FMR1: variants seen among roughly 807,000 people sequenced by gnomAD.
The protein encoded by FMR1 is fragile X messenger ribonucleoprotein 1.
In FMR1, 13 loss-of-function variants were observed where a neutral mutation model predicts 50.6. The observed-to-expected ratio is 0.26, with a 90% CI of 0.17 to 0.41. The LOEUF is 0.41. FMR1 is among the 10% of genes least tolerant of loss of function. FMR1 has a pLI of 1.00. For synonymous variants in FMR1, 138 were observed against 164.1 expected (o/e 0.84, Z 1.22); for missense variants, 316 against 491.3 (o/e 0.64, Z 3.37).
At chrX:147,943,956 T>C (rs2044089954) in intron 14 of FMR1, 1 of 117,528 alleles carries the variant, frequency 8.5e-6, no homozygotes, top group Non-Finnish European at 1.7e-5. Context: ...TTCACGCATA[T>C]TTGCATTTCA....
In FMR1 at chrX:147,950,323, T is replaced by G. The variant is rs2044289529; in HGVS notation, c.*1479T>G. 1 of 327,925 alleles carries G rather than the reference T, an allele frequency of 3.0e-6. No homozygotes were observed. The highest frequency in any genetic ancestry group is 5.9e-6 in the Non-Finnish European group (1 of 169,558). The allele number at this position is 327,925 out of a possible 1,213,427, so 27.0% of individuals were successfully genotyped here. A position where few individuals can be genotyped will look rare whatever the true frequency, so the allele number is the denominator to read the frequency against. On this transcript the variant is annotated 3_prime_UTR_variant, in exon 17 of 17. Transcript: ENST00000370475. Reference sequence around the variant, plus strand: ...AAATGGCAACAAACTGCACATGATTTCACAAATATTAAAAAGTCTTTTAAA... The same window carrying G: ...AAATGGCAACAAACTGCACATGATTGCACAAATATTAAAAAGTCTTTTAAA...
chrX:147,929,237 C>T (rs1557178176), intron 5 of FMR1, among the ~76,000 whole-genome samples: 2 of 112,123 alleles, frequency 1.8e-5, no homozygotes, highest in Non-Finnish European at 3.8e-5. Context: ...AAAAAGTCAT[C>T]TCATCTTACA....
At chrX:147,938,018 C>T (rs1557179995) in intron 11 of FMR1, 81 bp from the exon 12 acceptor site, 8 of 741,493 alleles carry the variant, frequency 1.1e-5, no homozygotes, top group Admixed American at 2.2e-5. Flanking sequence ...AAAAGTCCTG[C>T]AGTGAAAGTC....
chrX:147,928,773 A>C lies in FMR1; in HGVS notation c.385A>C (p.Ile129Leu). The C allele has an allele frequency of 8.3e-7, 1 of 1,211,226 alleles. No individual in the cohort carries two copies. Among genetic ancestry groups the C allele is most frequent in the East Asian group, 3.0e-5 (1 of 33,819 alleles). The change falls in exon 5 of 17, where the codon ATC becomes CTC. Residue 129 changes from isoleucine (I) to leucine (L), a missense_variant. Ile to Leu is a conservative substitution (Grantham distance 5). Around this residue, in one of 4 missense-constraint regions of FMR1, gnomAD observed 124 missense variants for 238.1 expected, o/e 0.52. Transcript: ENST00000370475. Reference sequence around the variant, plus strand: ...TGCCACAAAAGATACTTTCCATAAGATCAAGCTGGATGTGCCAGAAGACTT... The same window carrying C: ...TGCCACAAAAGATACTTTCCATAAGCTCAAGCTGGATGTGCCAGAAGACTT... ...KPATKDTFHK[I>L]KLDVPEDLRQ...
chrX:147,914,905 A>G (rs906583048), intron 1 of FMR1, among the ~76,000 whole-genome samples: 1 of 112,185 alleles, frequency 8.9e-6, no homozygotes, highest in Non-Finnish European at 1.9e-5. Context: ...GAGAATGGTA[A>G]TGAATTAACT....
Position 147,921,997 on chromosome X carries a change from GT to G in FMR1, c.104+14del. 9.9e-7 allele frequency: 1 copy of G among 1,007,988 alleles called. No individual in the cohort carries two copies. The highest frequency in any genetic ancestry group is 1.4e-6 in the Non-Finnish European group (1 of 712,755). The allele number at this position is 1,007,988 out of a possible 1,213,427, so 83.1% of individuals were successfully genotyped here. ...GCATTTGAAAACAAGTAAGTGTCTC[GT>G]TATATAATTTTAATGATGAGGTTCT... On this transcript the variant is annotated intron_variant, in intron 2 of 16. Transcript: ENST00000370475.
At chrX:147,948,169 G>T (rs2044241693) in intron 16 of FMR1, among the ~76,000 whole-genome samples, 1 of 112,246 alleles carries the variant, frequency 8.9e-6, no homozygotes, top group African/African-American at 3.2e-5. Flanking sequence ...GGAGCTCTCA[G>T]TATAGAGAAA....
intron 5 of FMR1, among the ~76,000 whole-genome samples, chrX:147,929,318 GTGAA>G (rs1218453767): frequency 9.0e-6 from 1 of 111,604 alleles, no homozygotes; most frequent in African/African-American, 3.3e-5. Context: ...ATTTTATTAA[GTGAA>G]TACAGTACGT....
chrX:147,935,409 G>C (rs1284539831), intron 9 of FMR1, among the ~76,000 whole-genome samples: 1 of 112,206 alleles, frequency 8.9e-6, no homozygotes, highest in Non-Finnish European at 1.9e-5. Flanking sequence ...TTGGCTCAAA[G>C]CAAATTTTTG....
At chrX:147,923,984 A>C (rs1457699406) in intron 2 of FMR1, among the ~76,000 whole-genome samples, 1 of 111,945 alleles carries the variant, frequency 8.9e-6, no homozygotes, top group Non-Finnish European at 1.9e-5. Context: ...AGATTGTTTT[A>C]GGTGCTTTGT....
intron 2 of FMR1, among the ~76,000 whole-genome samples, chrX:147,922,323 G>A (rs1294079791): frequency 9.0e-6 from 1 of 111,617 alleles, no homozygotes; most frequent in Non-Finnish European, 1.9e-5. Flanking sequence ...AAGATTCATG[G>A]GTATTGCTAA....
At position 147,950,038 on chromosome X, in the gene FMR1, C is replaced by A. The variant is rs1557183237; in HGVS notation, c.*1194C>A. The stretch of plus-strand genomic sequence containing the variant: ...AATAACAACTTTTTTTTCTTTTTTT[C>A]TTTTGTTTTTTGAAGTGTTGGGGTT... On this transcript the variant is annotated 3_prime_UTR_variant, in exon 17 of 17. Coordinates refer to ENST00000370475, the MANE Select transcript of FMR1 (RefSeq NM_002024.6). 8 of 309,239 alleles carry A rather than the reference C, an allele frequency of 2.6e-5. No individual in the cohort carries two copies. In the East Asian group the frequency reaches 6.9e-4, roughly 27 times the overall value. The allele number at this position is 309,239 out of a possible 1,213,427, so 25.5% of individuals were successfully genotyped here.
Position 147,932,837 on chromosome X carries a change from A to G in FMR1, c.880+74A>G, listed in dbSNP as rs1299577465. ...TAAACAGTTTATTTATAGTGATAGAATTCCATTTTTTCTTACTGGAGGGTA... is the reference window on the plus strand; with the variant it reads ...TAAACAGTTTATTTATAGTGATAGAGTTCCATTTTTTCTTACTGGAGGGTA... On this transcript the variant is annotated intron_variant, in intron 9 of 16. Transcript: ENST00000370475. 10 of 693,514 alleles carry G rather than the reference A, an allele frequency of 1.4e-5. No individual in the cohort carries two copies. The African/African-American group carries it at 1.9e-4, about 13-fold the overall frequency. 57.2% of individuals were successfully genotyped at this position (693,514 alleles called of 1,213,427 possible).
In FMR1 at chrX:147,948,762, G is replaced by A. The variant is rs1557182644; in HGVS notation, c.1817G>A (p.Arg606His). ...ACCTCCAGTGAAGGTAGTCGGCTGC[G>A]CACGGGTAAAGATCGTAACCAGAAG... ...QNTSSEGSRLRTGKDRNQKKE... is the reference protein window; with the variant it reads ...QNTSSEGSRLHTGKDRNQKKE... Residue 606 changes from arginine (R) to histidine (H), a missense_variant, in exon 17 of 17, where the codon CGC (arginine) becomes CAC (histidine). By Grantham distance (29) the Arg-to-His change is conservative (BLOSUM62 0). Coordinates refer to ENST00000370475, the MANE Select transcript of FMR1 (RefSeq NM_002024.6). 5.8e-6 allele frequency: 7 copies of A among 1,209,709 alleles called. No individual in the cohort carries two copies. Among genetic ancestry groups the A allele is most frequent in the Admixed American group, 4.4e-5 (2 of 45,749 alleles).
intron 9 of FMR1, among the ~76,000 whole-genome samples, chrX:147,935,561 A>G (rs924169007): frequency 4.4e-5 from 5 of 112,368 alleles, no homozygotes; most frequent in African/African-American, 1.6e-4. Context: ...GAGCCCTCAG[A>G]ATCAGATGTA....
Position 147,948,952 on chromosome X carries a change from C to T in FMR1, c.*108C>T, listed in dbSNP as rs1196810672. On this transcript the variant is annotated 3_prime_UTR_variant, in exon 17 of 17. Coordinates refer to ENST00000370475, the MANE Select transcript of FMR1 (RefSeq NM_002024.6). ...AAATAGTAGGCAAGATGGCACAGGGCATGAAATGAACACAAATTATGCTAA... is the reference window on the plus strand; with the variant it reads ...AAATAGTAGGCAAGATGGCACAGGGTATGAAATGAACACAAATTATGCTAA... 1 of 806,853 alleles carries T rather than the reference C, an allele frequency of 1.2e-6. No homozygotes were observed. Among genetic ancestry groups the T allele is most frequent in the Non-Finnish European group, 1.9e-6 (1 of 537,335 alleles). 66.5% of individuals were successfully genotyped at this position (806,853 alleles called of 1,213,427 possible).
intron 13 of FMR1, among the ~76,000 whole-genome samples, chrX:147,941,796 A>G (rs1219829541): frequency 1.8e-5 from 2 of 112,119 alleles, no homozygotes; most frequent in Admixed American, 1.9e-4. Flanking sequence ...TGTTCTTTTG[A>G]CTAATGTTCT....
At chrX:147,940,733 C>G (rs1405829107) in intron 13 of FMR1, 71 bp downstream of exon 13, 2 of 704,540 alleles carry the variant, frequency 2.8e-6, no homozygotes, top group Non-Finnish European at 4.6e-6. Flanking sequence ...GTAGATCTTT[C>G]AGCAGTTAGG....
intron 3 of FMR1, among the ~76,000 whole-genome samples, chrX:147,926,811 C>T (rs903077174): frequency 1.6e-4 from 18 of 111,105 alleles, no homozygotes; most frequent in African/African-American, 4.6e-4. Flanking sequence ...TTATTTGCTG[C>T]ACTAGGTAGT....
Sources: gnomAD v4.1 joint callset for allele counts (sites outside exome capture counted in the v4.1 genomes callset) on GRCh38, gnomAD v4.1.1 for gene constraint, gnomAD v4.1.1 regional missense constraint, MANE v1.5 for transcripts, NCBI Gene and HGNC (gene_info 2026-07-23, HGNC 2026-07-21) for gene names.